The following FBXO34 variants were observed in gnomAD, a reference collection of about 807,000 sequenced individuals.
FBXO34 encodes the protein F-box protein 34, also known as F-box only protein 34.
A neutral mutation model predicts 24.5 loss-of-function variants in FBXO34; 12 were observed. The observed-to-expected ratio is 0.49, with a 90% CI of 0.31 to 0.79. The LOEUF is 0.79. FBXO34 is among the 30% of genes least tolerant of loss of function. The pLI, the probability that FBXO34 is intolerant of heterozygous loss-of-function variation, is 0.04. For synonymous variants in FBXO34, 320 were observed against 311.9 expected (o/e 1.03, Z -0.27); for missense variants, 823 against 857.7 (o/e 0.96, Z 0.51).
chr14:55,277,843 C>G (rs563628345), intron 1 of FBXO34, among the ~76,000 whole-genome samples: 26 of 152,144 alleles, frequency 1.7e-4, no homozygotes, highest in South Asian at 4.2e-4. Flanking sequence ...TTGTATATCC[C>G]TTTTTACTTT....
At chr14:55,384,234 T>C in the FBXO34 span, among the ~76,000 whole-genome samples, 1 of 152,252 alleles carries the variant, frequency 6.6e-6, no homozygotes, top group Non-Finnish European at 1.5e-5. Context: ...GAAATAGTTT[T>C]TCTTCATATT....
downstream of FBXO34, chr14:55,369,813 T>C (rs1884771917): frequency 6.2e-7 from 1 of 1,613,972 alleles, no homozygotes; most frequent in Non-Finnish European, 8.5e-7. Context: ...CCCAGGTCGG[T>C]TTCTTCATCG....
downstream of FBXO34, among the ~76,000 whole-genome samples, chr14:55,364,798 G>A (rs1232766425): frequency 6.7e-6 from 1 of 148,626 alleles, no homozygotes; most frequent in East Asian, 2.0e-4. Context: ...GTACAGTGGT[G>A]CAATCACAGC....
At chr14:55,426,197 G>A in the FBXO34 span, among the ~76,000 whole-genome samples, 5 of 151,944 alleles carry the variant, frequency 3.3e-5, no homozygotes, top group East Asian at 9.7e-4. Flanking sequence ...AACCCTGGGG[G>A]GTGGAGGTTG....
chr14:55,385,791 A>T, the FBXO34 span: 2 of 1,285,322 alleles, frequency 1.6e-6, no homozygotes, highest in Non-Finnish European at 2.2e-6. Context: ...TAAATAAGGT[A>T]ATGACATACT....
At chr14:55,344,709 C>T (rs1200515168) in intron 1 of FBXO34, among the ~76,000 whole-genome samples, 2 of 151,998 alleles carry the variant, frequency 1.3e-5, no homozygotes, top group Non-Finnish European at 2.9e-5. Context: ...GCTCTCCCTC[C>T]CCTTGTCCTC....
rs893326183 is a variant in FBXO34 at position 55,299,064 on chromosome 14, G to C, written c.-11+27527G>C. 704 of 1,554,548 alleles carry C rather than the reference G, an allele frequency of 4.5e-4. 3 individuals are homozygous for C. The African/African-American group carries it at 8.4e-3, about 18-fold the overall frequency. ...GATTTCAACAGCAATTTCGAAACCTGTAGGGTTTGGAGAAAAGTCTGACGA... is the reference window on the plus strand; with the variant it reads ...GATTTCAACAGCAATTTCGAAACCTCTAGGGTTTGGAGAAAAGTCTGACGA... On this transcript the variant is annotated intron_variant, in intron 1 of 1. Transcript: ENST00000313833.
chr14:55,440,510 C>T, the FBXO34 span: 1 of 1,611,296 alleles, frequency 6.2e-7, no homozygotes, highest in Non-Finnish European at 8.5e-7. Flanking sequence ...GAGCGAGCAG[C>T]CTCGGAACCC....
chr14:55,439,611 C>CA, the FBXO34 span, among the ~76,000 whole-genome samples: 1 of 89,630 alleles, frequency 1.1e-5, no homozygotes, highest in East Asian at 3.4e-4. Context: ...GGGAGAAAAG[C>CA]AAACCCCCCC....
chr14:55,296,975 T>G (rs189810327), intron 1 of FBXO34, among the ~76,000 whole-genome samples: 2 of 152,348 alleles, frequency 1.3e-5, no homozygotes, highest in Non-Finnish European at 2.9e-5. Context: ...TTAATTTGTT[T>G]TAAAACAGTA....
the FBXO34 span, among the ~76,000 whole-genome samples, chr14:55,426,340 T>C: frequency 5.9e-5 from 9 of 151,768 alleles, no homozygotes; most frequent in Admixed American, 5.9e-4. Flanking sequence ...GATTATGTCA[T>C]AGAAAGATTA....
At chr14:55,399,169 T>C in the FBXO34 span, among the ~76,000 whole-genome samples, 2 of 152,172 alleles carry the variant, frequency 1.3e-5, no homozygotes, top group East Asian at 1.9e-4. Flanking sequence ...ACAAATTTAA[T>C]AGTCACTGAA....
the FBXO34 span, among the ~76,000 whole-genome samples, chr14:55,406,291 AGGCACAGACGGTTT>A: frequency 6.6e-6 from 1 of 152,236 alleles, no homozygotes. Flanking sequence ...AGATCCATGC[AGGCACAGACGGTTT>A]GGCTAATTTA....
intron 1 of FBXO34, among the ~76,000 whole-genome samples, chr14:55,324,896 T>C (rs1246406526): frequency 6.6e-6 from 1 of 152,172 alleles, no homozygotes; most frequent in Non-Finnish European, 1.5e-5. Context: ...AAGTCTCAGA[T>C]CAAGGCAGCA....
chr14:55,299,833 A>T (rs1039750188), intron 1 of FBXO34, among the ~76,000 whole-genome samples: 1 of 152,240 alleles, frequency 6.6e-6, no homozygotes, highest in Admixed American at 6.5e-5. Context: ...TGGAATCCGT[A>T]TAAGAAACCC....
At chr14:55,388,048 A>C in the FBXO34 span, among the ~76,000 whole-genome samples, 1 of 151,766 alleles carries the variant, frequency 6.6e-6, no homozygotes, top group African/African-American at 2.4e-5. Flanking sequence ...GAGGCAGGAG[A>C]ATTGCTTGAA....
the FBXO34 span, chr14:55,428,669 C>G: frequency 2.2e-6 from 2 of 917,424 alleles, no homozygotes; most frequent in African/African-American, 3.4e-5. Context: ...GGCATAGCAT[C>G]TTAATCTTTT....
the FBXO34 span, among the ~76,000 whole-genome samples, chr14:55,391,605 CAT>C: frequency 3.3e-5 from 5 of 152,114 alleles, no homozygotes; most frequent in Non-Finnish European, 4.4e-5. Context: ...CTACTAGCCA[CAT>C]GTGGTTACTT....
chr14:55,379,257 C>G, the FBXO34 span, among the ~76,000 whole-genome samples: 1 of 151,948 alleles, frequency 6.6e-6, no homozygotes, highest in Non-Finnish European at 1.5e-5. Context: ...AGATGATGGC[C>G]GGGTGCAGTG....
Sources: gnomAD v4.1 joint callset for allele counts (sites outside exome capture counted in the v4.1 genomes callset) on GRCh38, gnomAD v4.1.1 for gene constraint, MANE v1.5 for transcripts, NCBI Gene and HGNC (gene_info 2026-07-23, HGNC 2026-07-21) for gene names.